Variants in NEK11 observed in about 807,000 individuals in gnomAD.
NEK11 encodes the protein NIMA related kinase 11.
In NEK11, 72 loss-of-function variants were observed where a neutral mutation model predicts 80.7. The ratio of observed to expected loss-of-function variants is 0.89; its 90% CI spans 0.74 to 1.08. The LOEUF (loss-of-function observed/expected upper bound fraction) is 1.08. NEK11 is among the 50% of genes least tolerant of loss of function. NEK11 has a pLI of 0.00. For synonymous variants in NEK11, 251 were observed against 260.7 expected, an observed-to-expected ratio of 0.96 and a Z score of 0.36; for missense variants, 764 against 763.6, an observed-to-expected ratio of 1.00 and a Z score of -0.01.
At chr3:131,135,512 A>G (rs1282952090) in intron 7 of NEK11, among the ~76,000 whole-genome samples, 2 of 152,168 alleles carry the variant, frequency 1.3e-5, no homozygotes, top group Admixed American at 1.3e-4. Flanking sequence ...ACTGTGTAAC[A>G]TTCCTTAGGT....
intron 3 of NEK11, among the ~76,000 whole-genome samples, chr3:131,065,973 A>G (rs1025428775): frequency 6.6e-6 from 1 of 152,194 alleles, no homozygotes; most frequent in Non-Finnish European, 1.5e-5. Context: ...AAGACACAAG[A>G]GTCCAGCATA....
At chr3:131,290,399 C>T (rs114954185) in intron 17 of NEK11, among the ~76,000 whole-genome samples, 1,528 of 152,304 alleles carry the variant, frequency 0.01, 22 homozygotes, top group African/African-American at 0.033. Context: ...TTATTTTGCA[C>T]TGTATTTTGT....
intron 9 of NEK11, chr3:131,154,749 GTCT>G: frequency 3.1e-6 from 1 of 325,378 alleles, no homozygotes; most frequent in South Asian, 5.8e-5. Context: ...AAAAGCTTGT[GTCT>G]TCTTGTAGCT....
At chr3:131,256,760 C>T (rs1038102213) in intron 16 of NEK11, among the ~76,000 whole-genome samples, 2 of 152,158 alleles carry the variant, frequency 1.3e-5, no homozygotes, top group Admixed American at 1.3e-4. Flanking sequence ...GAAGGCTTCA[C>T]TGGGGCTGGA....
At chr3:131,265,920 A>G (rs1367383038) in intron 16 of NEK11, among the ~76,000 whole-genome samples, 2 of 152,172 alleles carry the variant, frequency 1.3e-5, no homozygotes, top group Non-Finnish European at 2.9e-5. Context: ...CAGGGATTTA[A>G]CTTCTTCCTG....
At chr3:131,306,211 C>T (rs993790215) in intron 17 of NEK11, among the ~76,000 whole-genome samples, 12 of 152,100 alleles carry the variant, frequency 7.9e-5, no homozygotes, top group Non-Finnish European at 1.8e-4. Flanking sequence ...ACATCCCTGC[C>T]TTGTCTTGTT....
intron 14 of NEK11, among the ~76,000 whole-genome samples, chr3:131,226,105 A>G (rs2095185659): frequency 6.6e-6 from 1 of 152,092 alleles, no homozygotes; most frequent in Non-Finnish European, 1.5e-5. Flanking sequence ...AGAGTGGGGA[A>G]AGAGGGAGAA....
chr3:131,039,735 G>T (rs1367952452), intron 3 of NEK11, among the ~76,000 whole-genome samples: 1 of 152,184 alleles, frequency 6.6e-6, no homozygotes, highest in African/African-American at 2.4e-5. Context: ...TAAAAGAAAT[G>T]AGAAGGGGGA....
Position 131,273,469 on chromosome 3 carries a change from G to T in NEK11, c.1622-9G>T. The stretch of plus-strand genomic sequence containing the variant: ...ATGAAGTCAATAAGGGCTGTGCATT[G>T]ATTTTCAGACACAAAGACCATCACC... On this transcript the variant is annotated splice_polypyrimidine_tract_variant and intron_variant, in intron 16 of 17. Transcript: ENST00000383366. 6.2e-7 allele frequency: 1 copy of T among 1,611,932 alleles called. No individual in the cohort carries two copies.
chr3:131,289,259 G>C (rs2096517379), intron 17 of NEK11, among the ~76,000 whole-genome samples: 1 of 152,048 alleles, frequency 6.6e-6, no homozygotes. Context: ...CTTCTTATAA[G>C]GACACCAGTC....
intron 17 of NEK11, among the ~76,000 whole-genome samples, chr3:131,323,131 C>T (rs889417692): frequency 6.6e-6 from 1 of 152,144 alleles, no homozygotes; most frequent in Non-Finnish European, 1.5e-5. Flanking sequence ...GTGGAAGTAG[C>T]TAGGACAAAC....
At chr3:131,332,647 C>A (rs1448715768) in intron 17 of NEK11, among the ~76,000 whole-genome samples, 3 of 152,154 alleles carry the variant, frequency 2.0e-5, no homozygotes, top group Non-Finnish European at 4.4e-5. Flanking sequence ...GAGAAGAAGG[C>A]TTCAGATGAT....
chr3:131,316,355 G>T (rs1045586438), intron 17 of NEK11, among the ~76,000 whole-genome samples: 5 of 152,064 alleles, frequency 3.3e-5, no homozygotes, highest in African/African-American at 1.2e-4. Context: ...AGCTAACCCT[G>T]CATGCCTGTT....
intron 13 of NEK11, among the ~76,000 whole-genome samples, chr3:131,169,154 A>AGGAGAAGAGG (rs2092500244): frequency 6.6e-6 from 1 of 152,212 alleles, no homozygotes; most frequent in Non-Finnish European, 1.5e-5. Flanking sequence ...AAATGTGATA[A>AGGAGAAGAGG]GGAGAAGAGG....
chr3:131,237,165 C>A (rs1266467743), intron 15 of NEK11, among the ~76,000 whole-genome samples: 2 of 151,926 alleles, frequency 1.3e-5, no homozygotes. Context: ...CATAGTGAGA[C>A]CTAATCTCTA....
intron 5 of NEK11, among the ~76,000 whole-genome samples, chr3:131,128,010 T>C (rs2083665050): frequency 6.6e-6 from 1 of 152,214 alleles, no homozygotes; most frequent in Non-Finnish European, 1.5e-5. Flanking sequence ...ATAAACTTTA[T>C]TTTTTAAAGC....
At chr3:131,295,385 G>A (rs2096582971) in intron 17 of NEK11, among the ~76,000 whole-genome samples, 1 of 151,510 alleles carries the variant, frequency 6.6e-6, no homozygotes, top group South Asian at 2.1e-4. Flanking sequence ...TATTTCTTTT[G>A]AACTTCATGG....
intron 3 of NEK11, among the ~76,000 whole-genome samples, chr3:131,059,661 T>C (rs535613712): frequency 1.9e-4 from 29 of 152,308 alleles, no homozygotes; most frequent in African/African-American, 6.5e-4. Context: ...ATGCACACAA[T>C]TGACTCCCAT....
intron 17 of NEK11, among the ~76,000 whole-genome samples, chr3:131,287,069 G>GT (rs1052534926): frequency 2.0e-5 from 3 of 152,142 alleles, no homozygotes; most frequent in East Asian, 1.9e-4. Context: ...TGAAATAGCA[G>GT]TTTTTTTCTG....
Sources: allele counts gnomAD v4.1 joint callset (sites outside exome capture counted in the v4.1 genomes callset), GRCh38; gene constraint gnomAD v4.1.1; transcripts MANE v1.5; gene names NCBI Gene and HGNC (gene_info 2026-07-23, HGNC 2026-07-21).